The following GPR176 variants were observed in gnomAD, a reference collection of about 807,000 sequenced individuals.
The protein encoded by GPR176 is G-protein coupled receptor 176.
Under a neutral mutation model 35.4 loss-of-function variants are expected in GPR176, and 26 were observed. The ratio of observed to expected loss-of-function variants is 0.74; its 90% CI spans 0.54 to 1.02. The LOEUF (loss-of-function observed/expected upper bound fraction) is 1.02. Ranked by LOEUF, GPR176 falls within the 50% of genes least tolerant of loss-of-function variation. The probability of loss-of-function intolerance (pLI) is 0.00; values close to 1 mark genes in which losing one functional copy is unlikely to be tolerated. For missense variants in GPR176, 597 were observed against 665.3 expected (o/e 0.90, Z 1.13); for synonymous variants, 278 against 271.3 (o/e 1.02, Z -0.24).
At position 39,916,706 on chromosome 15, in the gene GPR176, TAAG is replaced by T; in HGVS notation, c.172+3146_172+3148del. Among the ~76,000 whole-genome samples, 3 of 152,248 alleles carry T rather than the reference TAAG, an allele frequency of 2.0e-5. No homozygotes were observed. The South Asian group carries it at 6.2e-4, about 32-fold the overall frequency. On this transcript the variant is annotated intron_variant, in intron 1 of 2. Transcript: ENST00000561100. ...TGTCTATGTTTGGGGGCAGAAGAAA[TAAG>T]AAAAGTAAGTTACTTAATCAGTTAT...
intron 1 of GPR176, among the ~76,000 whole-genome samples, chr15:39,914,462 T>C (rs550796467): frequency 1.7e-3 from 253 of 152,114 alleles, no homozygotes; most frequent in Non-Finnish European, 2.7e-3. Context: ...TATAGGCGCC[T>C]ACCACCATGC....
intron 1 of GPR176, among the ~76,000 whole-genome samples, chr15:39,909,301 C>T (rs1038849459): frequency 6.6e-6 from 1 of 152,156 alleles, no homozygotes; most frequent in African/African-American, 2.4e-5. Flanking sequence ...GTGACTACTT[C>T]CTCACGTAAT....
At chr15:39,909,156 C>G (rs1031938733) in intron 1 of GPR176, among the ~76,000 whole-genome samples, 2 of 152,296 alleles carry the variant, frequency 1.3e-5, no homozygotes, top group South Asian at 4.1e-4. Context: ...TTCTGCCCAA[C>G]AGATGTTCCC....
chr15:39,808,138 T>C (rs747495801), intron 1 of GPR176, among the ~76,000 whole-genome samples: 23 of 152,342 alleles, frequency 1.5e-4, no homozygotes, highest in Admixed American at 6.5e-4. Flanking sequence ...CTCCCTACGT[T>C]AGACTACCCA....
chr15:39,846,534 C>A (rs189999780), intron 1 of GPR176, among the ~76,000 whole-genome samples: 4 of 152,174 alleles, frequency 2.6e-5, no homozygotes, highest in African/African-American at 9.6e-5. Flanking sequence ...CCAACTAAAA[C>A]TCAATACAAT....
chr15:39,874,408 T>G (rs1345228193), intron 1 of GPR176, among the ~76,000 whole-genome samples: 2 of 152,224 alleles, frequency 1.3e-5, no homozygotes, highest in Non-Finnish European at 2.9e-5. Context: ...TTAGCCTAAT[T>G]GGCATCTTTT....
At chr15:39,827,801 T>C (rs944092525) in intron 1 of GPR176, among the ~76,000 whole-genome samples, 1 of 152,234 alleles carries the variant, frequency 6.6e-6, no homozygotes, top group Non-Finnish European at 1.5e-5. Context: ...AATCCTACTT[T>C]TGTAAAACTA....
chr15:39,824,625 A>G (rs1164444254), intron 1 of GPR176, among the ~76,000 whole-genome samples: 1 of 152,252 alleles, frequency 6.6e-6, no homozygotes, highest in Non-Finnish European at 1.5e-5. Context: ...TATAGCCCCA[A>G]TGCCTAGAAC....
chr15:39,811,888 C>T (rs1033649458), intron 1 of GPR176, among the ~76,000 whole-genome samples: 1 of 151,304 alleles, frequency 6.6e-6, no homozygotes, highest in Non-Finnish European at 1.5e-5. Flanking sequence ...TGCACTCCAG[C>T]CTGGGTGACA....
chr15:39,874,228 G>A (rs996512291), intron 1 of GPR176, among the ~76,000 whole-genome samples: 3 of 152,082 alleles, frequency 2.0e-5, no homozygotes, highest in Non-Finnish European at 4.4e-5. Flanking sequence ...CTGTAGTGTG[G>A]TAAGTAACTC....
At chr15:39,919,662 T>C (rs1206752801) in intron 1 of GPR176, among the ~76,000 whole-genome samples, 193 bp downstream of exon 1, 1 of 152,146 alleles carries the variant, frequency 6.6e-6, no homozygotes, top group Non-Finnish European at 1.5e-5. Flanking sequence ...ACTCTTCTGC[T>C]CCCGCGTGGG....
chr15:39,816,948 A>C (rs1899944735), intron 1 of GPR176, among the ~76,000 whole-genome samples: 1 of 151,540 alleles, frequency 6.6e-6, no homozygotes. Flanking sequence ...ATGCACCTGT[A>C]GTCCCAGCCT....
intron 1 of GPR176, among the ~76,000 whole-genome samples, chr15:39,919,329 C>A (rs925257282): frequency 6.6e-5 from 10 of 152,044 alleles, no homozygotes; most frequent in African/African-American, 2.4e-4. Context: ...TTTAACTTCA[C>A]AGGGTTGTTT....
At chr15:39,915,735 T>C (rs1265271609) in intron 1 of GPR176, among the ~76,000 whole-genome samples, 1 of 151,936 alleles carries the variant, frequency 6.6e-6, no homozygotes, top group African/African-American at 2.4e-5. Flanking sequence ...AAAAATTAGC[T>C]GGGCGTGGTG....
chr15:39,865,044 AT>A (rs1436215834), intron 1 of GPR176, among the ~76,000 whole-genome samples: 3 of 152,140 alleles, frequency 2.0e-5, no homozygotes, highest in African/African-American at 7.2e-5. Flanking sequence ...AAAGAAAAAA[AT>A]AATAACAAAT....
rs569718115 is a variant in GPR176, at chr15:39,903,255, C to A, written c.172+16600G>T. ...AGTCAAGGAGCATCTGTACTTTATTCGAAACAAATAACAAATTATTTGGAA... is the reference window on the plus strand; with the variant it reads ...AGTCAAGGAGCATCTGTACTTTATTAGAAACAAATAACAAATTATTTGGAA... On this transcript the variant is annotated intron_variant, in intron 1 of 2. Transcript: ENST00000561100. Among the ~76,000 whole-genome samples the A allele has an allele frequency of 4.3e-5, 6 of 139,796 alleles. No homozygotes were observed. The South Asian group carries it at 1.3e-3, about 31-fold the overall frequency. 91.7% of individuals were successfully genotyped at this position (139,796 alleles called of 152,430 possible). A position where few individuals can be genotyped will look rare whatever the true frequency, so the allele number is the denominator to read the frequency against.
chr15:39,801,555 A>G lies in GPR176; in HGVS notation c.1125T>C (p.Ile375=). 1 of 1,614,128 alleles carries G rather than the reference A, an allele frequency of 6.2e-7. No individual in the cohort carries two copies. The highest frequency in any genetic ancestry group is 1.1e-5 in the South Asian group (1 of 91,084). The change falls in exon 3 of 3, where the codon ATT becomes ATC. Residue 375 remains isoleucine, a synonymous_variant. Transcript: ENST00000561100. ...SGSQLLEMFH[I]GQQQIFKPTE... is the part of the protein sequence containing the mutation. Reference sequence around the variant, plus strand: ...TGGGCTTAAAGATCTGCTGCTGCCCAATGTGGAACATCTCCAGGAGCTGGC... The same window carrying G: ...TGGGCTTAAAGATCTGCTGCTGCCCGATGTGGAACATCTCCAGGAGCTGGC...
intron 1 of GPR176, among the ~76,000 whole-genome samples, chr15:39,855,157 T>A (rs2031132820): frequency 6.6e-6 from 1 of 151,962 alleles, no homozygotes; most frequent in South Asian, 2.1e-4. Flanking sequence ...CAAAGATGAG[T>A]CTTTCCCAGA....
At chr15:39,815,644 G>A (rs960819442) in intron 1 of GPR176, among the ~76,000 whole-genome samples, 2 of 152,132 alleles carry the variant, frequency 1.3e-5, no homozygotes, top group Non-Finnish European at 1.5e-5. Context: ...CTCCAGATAG[G>A]TCCTGCTTAT....
Sources: gnomAD v4.1 joint callset for allele counts (sites outside exome capture counted in the v4.1 genomes callset) on GRCh38, gnomAD v4.1.1 for gene constraint, MANE v1.5 for transcripts, NCBI Gene and HGNC (gene_info 2026-07-23, HGNC 2026-07-21) for gene names.